HPR: variants seen among roughly 807,000 people sequenced by gnomAD.
HPR encodes the protein Haptoglobin-related locus.
Under a neutral mutation model 18.5 loss-of-function variants are expected in HPR, and 17 were observed. That is an observed-to-expected ratio of 0.92 (90% CI 0.63 to 1.38). The LOEUF is 1.38. Ranked by LOEUF, HPR falls within the 40% of genes most tolerant of loss-of-function variation. The pLI is 0.00. For missense variants in HPR, 457 were observed against 432.4 expected (o/e 1.06, Z -0.51); for synonymous variants, 176 against 165.0 (o/e 1.07, Z -0.51).
chr16:72,065,572 G>A (rs947184684), intron 1 of HPR, among the ~76,000 whole-genome samples: 2 of 152,102 alleles, frequency 1.3e-5, no homozygotes, highest in African/African-American at 4.8e-5. Context: ...TAAGAAGAAG[G>A]AGCAAATGAT....
At chr16:72,072,973 G>A (rs1355216318) in intron 1 of HPR, among the ~76,000 whole-genome samples, 7 of 152,006 alleles carry the variant, frequency 4.6e-5, no homozygotes, top group South Asian at 2.1e-4. Context: ...TTCTCCCTGC[G>A]CTGGTAAACA....
At chr16:72,072,617 C>T (rs1377440965) in intron 1 of HPR, among the ~76,000 whole-genome samples, 1 of 152,082 alleles carries the variant, frequency 6.6e-6, no homozygotes, top group African/African-American at 2.4e-5. Flanking sequence ...GATTTATGTC[C>T]TCAATCCTCA....
At chr16:72,064,175 G>T (rs1299088072) in intron 1 of HPR, among the ~76,000 whole-genome samples, 1 of 152,116 alleles carries the variant, frequency 6.6e-6, no homozygotes, top group African/African-American at 2.4e-5. Context: ...TCTCTTCCAG[G>T]TAACCTTCTG....
chr16:72,076,106 C>T (rs367790856), intron 4 of HPR, among the ~76,000 whole-genome samples, 197 bp from the exon 5 acceptor site: 6 of 152,288 alleles, frequency 3.9e-5, no homozygotes, highest in African/African-American at 1.4e-4. Flanking sequence ...AGAAATAGAG[C>T]TTTTTGTAAT....
In HPR at chr16:72,076,969, A is replaced by T. The variant is rs2041739256; in HGVS notation, c.935A>T (p.Tyr312Phe). 1 of 1,614,108 alleles carries T rather than the reference A, an allele frequency of 6.2e-7. No homozygotes were observed. Among genetic ancestry groups the T allele is most frequent in the African/African-American group, 1.3e-5 (1 of 74,940 alleles). ...CACGACCTGGAGGAGGACACCTGGTACGCGGCTGGGATCCTAAGCTTTGAT... is the reference window on the plus strand; with the variant it reads ...CACGACCTGGAGGAGGACACCTGGTTCGCGGCTGGGATCCTAAGCTTTGAT... Reference protein sequence around the residue: ...AVHDLEEDTWYAAGILSFDKS... With the variant: ...AVHDLEEDTWFAAGILSFDKS... Residue 312 changes from tyrosine (Y) to phenylalanine (F), a missense_variant, in exon 5 of 5, where the codon TAC becomes TTC. Transcript: ENST00000540303.
intron 3 of HPR, chr16:72,074,596 G>A (rs1216811648): frequency 5.6e-6 from 4 of 719,208 alleles, no homozygotes; most frequent in Non-Finnish European, 7.8e-6. Flanking sequence ...TTGTTAAGGG[G>A]AGGTGATGCC....
rs2041692530 is a variant in HPR at position 72,074,302 on chromosome 16, C to A, written c.110C>A (p.Pro37His). 1 of 1,613,802 alleles carries A rather than the reference C, an allele frequency of 6.2e-7. No homozygotes were observed. Among genetic ancestry groups the A allele is most frequent in the African/African-American group, 1.3e-5 (1 of 74,890 alleles). The change falls in exon 3 of 5, where the codon CCC becomes CAC. Residue 37 changes from proline (P) to histidine (H), a missense_variant. Pro to His is a moderately conservative substitution (Grantham distance 77). Transcript: ENST00000540303. Reference sequence around the variant, plus strand: ...TTTGCAGATGACCGCTTCCCGAAGCCCCCTGAGATTGCAAATGGCTATGTG... The same window carrying A: ...TTTGCAGATGACCGCTTCCCGAAGCACCCTGAGATTGCAAATGGCTATGTG... ...TDISDDRFPK[P>H]PEIANGYVEH...
intron 1 of HPR, among the ~76,000 whole-genome samples, chr16:72,069,312 A>G (rs1173027126): frequency 1.3e-5 from 2 of 152,280 alleles, no homozygotes; most frequent in East Asian, 3.9e-4. Context: ...GCCAGAAGAA[A>G]TAGCTATTGT....
At chr16:72,066,837 G>A (rs961422365) in intron 1 of HPR, among the ~76,000 whole-genome samples, 1 of 152,140 alleles carries the variant, frequency 6.6e-6, no homozygotes, top group Non-Finnish European at 1.5e-5. Flanking sequence ...AAAAACAGAA[G>A]TCAAAACCAA....
At chr16:72,071,242 A>G (rs1426790756) in intron 1 of HPR, among the ~76,000 whole-genome samples, 3 of 152,222 alleles carry the variant, frequency 2.0e-5, no homozygotes, top group African/African-American at 7.2e-5. Flanking sequence ...AAGGTAAAAA[A>G]TTTAAAGCAG....
chr16:72,074,551 G>C (rs2041697063), intron 3 of HPR, 166 bp downstream of exon 3: 1 of 748,964 alleles, frequency 1.3e-6, no homozygotes, highest in South Asian at 1.5e-5. Flanking sequence ...GGCCCTTTGG[G>C]CAGACTAACT....
chr16:72,074,217 T>C, intron 2 of HPR, 67 bp from the exon 3 acceptor site: 1 of 1,463,914 alleles, frequency 6.8e-7, no homozygotes, highest in Non-Finnish European at 9.6e-7. Flanking sequence ...TCCACTCATC[T>C]GACTTTTCAT....
In HPR at chr16:72,076,417, C is replaced by A. The variant is rs779172897; in HGVS notation, c.383C>A (p.Thr128Asn). The change falls in exon 5 of 5, where the codon ACC becomes AAC. Residue 128 changes from threonine (T) to asparagine (N), a missense_variant. By Grantham distance (65) the Thr-to-Asn change is moderately conservative (BLOSUM62 0). Coordinates refer to ENST00000540303, the MANE Select transcript of HPR (RefSeq NM_020995.4). ...QAKMVSHHNL[T>N]TGATLINEQW... Reference sequence around the variant, plus strand: ...AAGATGGTTTCCCACCATAATCTCACCACAGGGGCCACGCTGATCAATGAA... The same window carrying A: ...AAGATGGTTTCCCACCATAATCTCAACACAGGGGCCACGCTGATCAATGAA... 6.2e-7 allele frequency: 1 copy of A among 1,614,188 alleles called. No individual in the cohort carries two copies. Among genetic ancestry groups the A allele is most frequent in the East Asian group, 2.2e-5 (1 of 44,858 alleles).
rs28731397 is a variant in HPR, at chr16:72,063,380, T to G, written c.5+120T>G. 4 of 1,058,468 alleles carry G rather than the reference T, an allele frequency of 3.8e-6. No individual in the cohort carries two copies. In the East Asian group the frequency reaches 1.2e-4, roughly 33 times the overall value. The allele number at this position is 1,058,468 out of a possible 1,614,324, so 65.6% of individuals were successfully genotyped here. On this transcript the variant is annotated intron_variant, in intron 1 of 4. Transcript: ENST00000540303. ...ACAGGGCAAATGGGCTAAATTATAG[T>G]GAACCAAAGGGCTTAGTGTGTTAAA...
chr16:72,076,358 C>A lies in HPR; in HGVS notation c.324C>A (p.His108Gln). 2 of 1,613,998 alleles carry A rather than the reference C, an allele frequency of 1.2e-6. No homozygotes were observed. Among genetic ancestry groups the A allele is most frequent in the South Asian group, 2.2e-5 (2 of 91,058 alleles). The change falls in exon 5 of 5, where the codon CAC (histidine) becomes CAA (glutamine). Residue 108 changes from histidine (H) to glutamine (Q), a missense_variant. By Grantham distance (24) the His-to-Gln change is conservative (BLOSUM62 0). Coordinates refer to ENST00000540303, the MANE Select transcript of HPR (RefSeq NM_020995.4). ...ANPVQRILGG[H>Q]LDAKGSFPWQ... Reference sequence around the variant, plus strand: ...CAGTGCAGCGGATCCTGGGTGGACACCTGGATGCCAAAGGCAGCTTTCCCT... The same window carrying A: ...CAGTGCAGCGGATCCTGGGTGGACAACTGGATGCCAAAGGCAGCTTTCCCT...
intron 1 of HPR, among the ~76,000 whole-genome samples, chr16:72,068,530 C>T (rs1161539128): frequency 6.6e-6 from 1 of 152,160 alleles, no homozygotes; most frequent in East Asian, 1.9e-4. Flanking sequence ...AAAGGAATAG[C>T]TTATAACTGC....
chr16:72,074,576 G>A, intron 3 of HPR, 191 bp downstream of exon 3: 1 of 724,318 alleles, frequency 1.4e-6, no homozygotes, highest in South Asian at 1.5e-5. Flanking sequence ...TCAGCCTCAG[G>A]TTTTCTGTTT....
intron 1 of HPR, among the ~76,000 whole-genome samples, chr16:72,067,027 C>T (rs559676244): frequency 6.6e-6 from 1 of 152,094 alleles, no homozygotes; most frequent in South Asian, 2.1e-4. Context: ...AAAAGCAAGA[C>T]CAAAAAATCC....
intron 1 of HPR, among the ~76,000 whole-genome samples, chr16:72,072,515 G>A (rs1172963511): frequency 6.6e-6 from 1 of 152,098 alleles, no homozygotes; most frequent in East Asian, 1.9e-4. Context: ...GCACTACAAG[G>A]TCTTACTGCC....
Sources: gnomAD v4.1 joint callset for allele counts (sites outside exome capture counted in the v4.1 genomes callset) on GRCh38, gnomAD v4.1.1 for gene constraint, MANE v1.5 for transcripts, NCBI Gene and HGNC (gene_info 2026-07-23, HGNC 2026-07-21) for gene names.